The following ARHGEF26 variants were observed in gnomAD, a reference collection of about 807,000 sequenced individuals.
ARHGEF26 encodes the protein Rho guanine nucleotide exchange factor (GEF) 26.
A neutral mutation model predicts 89.4 loss-of-function variants in ARHGEF26; 59 were observed. The observed-to-expected ratio is 0.66, with a 90% CI of 0.54 to 0.82. ARHGEF26 has a LOEUF of 0.82. ARHGEF26 is among the 40% of genes least tolerant of loss of function. The probability of loss-of-function intolerance (pLI) is 0.00; values close to 1 mark genes in which losing one functional copy is unlikely to be tolerated. For synonymous variants in ARHGEF26, 500 were observed against 428.4 expected, an observed-to-expected ratio of 1.17 and a Z score of -2.06; for missense variants, 1,234 against 1,085.6, an observed-to-expected ratio of 1.14 and a Z score of -1.92.
intron 6 of ARHGEF26, among the ~76,000 whole-genome samples, chr3:154,179,921 G>A (rs1713077635): frequency 6.6e-6 from 1 of 152,228 alleles, no homozygotes. Context: ...AAGGTGGGAA[G>A]TCTGAAATCA....
intron 6 of ARHGEF26, chr3:154,187,084 G>A (rs999443685): frequency 5.2e-5 from 10 of 192,046 alleles, no homozygotes; most frequent in Admixed American, 3.3e-4. Context: ...GAGAGACGGC[G>A]TTTCACCATG....
chr3:154,182,873 GT>G (rs542032347), intron 6 of ARHGEF26, among the ~76,000 whole-genome samples: 209 of 152,136 alleles, frequency 1.4e-3, no homozygotes, highest in African/African-American at 4.7e-3. Flanking sequence ...TGTTGGTTTT[GT>G]TTTTTCCTCA....
intron 4 of ARHGEF26, among the ~76,000 whole-genome samples, chr3:154,130,785 T>C (rs1718638885): frequency 6.6e-6 from 1 of 152,170 alleles, no homozygotes; most frequent in African/African-American, 2.4e-5. Context: ...TACACCTCCA[T>C]GAGTCCTTAG....
chr3:154,188,636 T>C (rs1367416721), intron 7 of ARHGEF26, among the ~76,000 whole-genome samples: 1 of 152,092 alleles, frequency 6.6e-6, no homozygotes, highest in East Asian at 1.9e-4. Context: ...TCTCACCCCC[T>C]CCTGTGAGTT....
At position 154,122,389 on chromosome 3, in the gene ARHGEF26, G is replaced by C. The variant is rs747760967; in HGVS notation, c.397G>C (p.Val133Leu). 4.3e-6 allele frequency: 7 copies of C among 1,611,580 alleles called. No homozygotes were observed. Among genetic ancestry groups the C allele is most frequent in the Non-Finnish European group, 5.9e-6 (7 of 1,179,310 alleles). ...CCCGAAATCCCCAGCAAATGGCGCG[G>C]TGACCTTGCCTGCGCCGCCGCCGCC... ...GSPKSPANGA[V>L]TLPAPPPPPV... The change falls in exon 2 of 15, where the codon GTG (valine) becomes CTG (leucine). Residue 133 changes from valine to leucine, a missense_variant. By Grantham distance (32) the Val-to-Leu change is conservative. Transcript: ENST00000465093.
At chr3:154,181,419 G>T (rs1325306680) in intron 6 of ARHGEF26, among the ~76,000 whole-genome samples, 1 of 152,154 alleles carries the variant, frequency 6.6e-6, no homozygotes, top group East Asian at 1.9e-4. Context: ...TTAAGTGAGG[G>T]AGACGTCCAA....
rs538963817 is a variant in ARHGEF26 at position 154,208,868 on chromosome 3, C to T, written c.1846-9001C>T. On this transcript the variant is annotated intron_variant, in intron 9 of 14. Transcript: ENST00000465093. ...GCAACCTCCGCCTACCGGATTCAAG[C>T]GATTCTCATGCCTCAGCCTCCCAGG... 8.0e-5 allele frequency among the ~76,000 whole-genome samples: 12 copies of T among 149,874 alleles called. No homozygotes were observed. In the South Asian group the frequency reaches 2.1e-3, roughly 26 times the overall value.
At chr3:154,188,245 T>C (rs1713716792) in intron 7 of ARHGEF26, among the ~76,000 whole-genome samples, 1 of 152,160 alleles carries the variant, frequency 6.6e-6, no homozygotes. Context: ...ACTATTCTGA[T>C]CTCCCTCCAT....
intron 5 of ARHGEF26, among the ~76,000 whole-genome samples, chr3:154,152,408 T>G (rs1419953087): frequency 6.6e-6 from 1 of 152,180 alleles, no homozygotes; most frequent in East Asian, 1.9e-4. Flanking sequence ...AAAGCAGGGC[T>G]GGAGGAGATG....
At chr3:154,200,993 T>G (rs1384936294) in intron 9 of ARHGEF26, among the ~76,000 whole-genome samples, 8 of 100,338 alleles carry the variant, frequency 8.0e-5, no homozygotes, top group Admixed American at 2.5e-4. Context: ...TTTGTGGAGA[T>G]CAAATATAAG....
In ARHGEF26 at chr3:154,162,733, C is replaced by A. The variant is rs554804011; in HGVS notation, c.1487+9801C>A. 2.6e-5 allele frequency among the ~76,000 whole-genome samples: 4 copies of A among 152,124 alleles called. No individual in the cohort carries two copies. In the South Asian group the frequency reaches 8.3e-4, roughly 32 times the overall value. On this transcript the variant is annotated intron_variant, in intron 6 of 14. Transcript: ENST00000465093. ...AGAGTGCACTGTGATGGAAGGGTGT[C>A]CTGTCCAGGGTTGACACTTACCTCG...
chr3:154,184,389 T>C (rs1342808939), intron 6 of ARHGEF26, among the ~76,000 whole-genome samples: 1 of 152,256 alleles, frequency 6.6e-6, no homozygotes, highest in Non-Finnish European at 1.5e-5. Context: ...CTTAACTATA[T>C]AGTACCTAGA....
At chr3:154,142,209 A>G (rs2108076321) in intron 4 of ARHGEF26, among the ~76,000 whole-genome samples, 1 of 152,164 alleles carries the variant, frequency 6.6e-6, no homozygotes, top group South Asian at 2.1e-4. Context: ...TTGCTTGAAT[A>G]AAACTTTTTC....
intron 3 of ARHGEF26, among the ~76,000 whole-genome samples, chr3:154,125,859 A>C (rs985107849): frequency 6.6e-6 from 1 of 152,122 alleles, no homozygotes; most frequent in Non-Finnish European, 1.5e-5. Context: ...GTAACTAAAG[A>C]AGCAGTGTGT....
At chr3:154,217,742 G>A in intron 9 of ARHGEF26, 127 bp from the exon 10 acceptor site, 1 of 702,418 alleles carries the variant, frequency 1.4e-6, no homozygotes, top group Non-Finnish European at 2.5e-6. Flanking sequence ...GAAAAACTGT[G>A]AGTTCTCTGT....
chr3:154,222,153 C>A (rs1180428405), intron 10 of ARHGEF26, among the ~76,000 whole-genome samples: 1 of 152,114 alleles, frequency 6.6e-6, no homozygotes, highest in East Asian at 1.9e-4. Flanking sequence ...ATCTTTGACT[C>A]CAGAGTCCAC....
chr3:154,181,743 G>A (rs138128944), intron 6 of ARHGEF26, among the ~76,000 whole-genome samples: 2 of 152,242 alleles, frequency 1.3e-5, no homozygotes, highest in East Asian at 1.9e-4. Flanking sequence ...CTGGGAGTTT[G>A]TGTCTTCATT....
At chr3:154,219,316 C>T (rs551166386) in intron 10 of ARHGEF26, among the ~76,000 whole-genome samples, 2 of 152,148 alleles carry the variant, frequency 1.3e-5, no homozygotes, top group Admixed American at 6.5e-5. Context: ...CTGTCTAGGC[C>T]GGGCGAGGTG....
intron 1 of ARHGEF26, 140 bp downstream of exon 1, chr3:154,121,659 G>A (rs894212737): frequency 9.2e-6 from 3 of 327,150 alleles, no homozygotes; most frequent in African/African-American, 4.2e-5. Context: ...TTGTGCCTCG[G>A]CTTGCACTCA....
Sources: allele counts gnomAD v4.1 joint callset (sites outside exome capture counted in the v4.1 genomes callset), GRCh38; gene constraint gnomAD v4.1.1; transcripts MANE v1.5; gene names NCBI Gene and HGNC (gene_info 2026-07-23, HGNC 2026-07-21).